Variants in SIL1 observed in about 807,000 individuals in gnomAD.
The protein encoded by SIL1 is SIL1 nucleotide exchange factor, also known as nucleotide exchange factor SIL1.
In SIL1, 40 loss-of-function variants were observed where a neutral mutation model predicts 49.1. The ratio of observed to expected loss-of-function variants is 0.81; its 90% confidence interval spans 0.63 to 1.06. The LOEUF is 1.06. Among genes scored for constraint, SIL1 ranks in the 50% least tolerant of loss-of-function variants. The probability of loss-of-function intolerance (pLI) is 0.00; values close to 1 mark genes in which losing one functional copy is unlikely to be tolerated. For synonymous variants in SIL1, 253 were observed against 250.8 expected, an observed-to-expected ratio of 1.01 and a Z score of -0.08; for missense variants, 500 against 572.6, an observed-to-expected ratio of 0.87 and a Z score of 1.29.
intron 5 of SIL1, among the ~76,000 whole-genome samples, chr5:139,028,556 T>A (rs191227587): frequency 4.9e-4 from 74 of 152,112 alleles, no homozygotes; most frequent in African/African-American, 1.7e-3. Context: ...ACTTTTACTT[T>A]GAAATAATTA....
intron 1 of SIL1, among the ~76,000 whole-genome samples, chr5:139,149,946 C>G (rs1751265294): frequency 6.6e-6 from 1 of 152,088 alleles, no homozygotes. Context: ...TTAGAACTTC[C>G]CCATGGTGAA....
intron 1 of SIL1, among the ~76,000 whole-genome samples, chr5:139,192,106 C>T (rs1019887866): frequency 8.3e-5 from 12 of 144,018 alleles, no homozygotes; most frequent in African/African-American, 3.1e-4. Context: ...AATCCACTGG[C>T]GAGTGAGGCA....
intron 3 of SIL1, among the ~76,000 whole-genome samples, chr5:139,056,191 T>C: frequency 6.8e-6 from 1 of 146,322 alleles, no homozygotes; most frequent in African/African-American, 2.6e-5. Flanking sequence ...GTGAGGAGCG[T>C]CTCTGCCCGG....
intron 1 of SIL1, among the ~76,000 whole-genome samples, chr5:139,165,120 G>C (rs1224507097): frequency 6.6e-6 from 1 of 152,098 alleles, no homozygotes; most frequent in African/African-American, 2.4e-5. Flanking sequence ...GGTCCGATAA[G>C]AAACATTTTA....
At chr5:139,133,065 A>C (rs983791413) in intron 1 of SIL1, among the ~76,000 whole-genome samples, 106 of 674 alleles carry the variant, frequency 0.16, 2 homozygotes, top group African/African-American at 0.32. Context: ...ATACCCTGCA[A>C]AAAAAAAAAA....
intron 3 of SIL1, among the ~76,000 whole-genome samples, chr5:139,105,725 G>A (rs1770690592): frequency 1.3e-5 from 2 of 152,218 alleles, no homozygotes; most frequent in African/African-American, 4.8e-5. Context: ...GGTAGCAATC[G>A]TGCACGCTCC....
At chr5:139,145,429 G>A (rs1751172302) in intron 1 of SIL1, among the ~76,000 whole-genome samples, 1 of 152,132 alleles carries the variant, frequency 6.6e-6, no homozygotes, top group East Asian at 1.9e-4. Context: ...TCTTCAAAAA[G>A]CTAAACATAA....
At chr5:138,983,091 A>T (rs940181349) in intron 7 of SIL1, among the ~76,000 whole-genome samples, 4 of 148,576 alleles carry the variant, frequency 2.7e-5, no homozygotes, top group African/African-American at 9.9e-5. Flanking sequence ...CCAGCAACTC[A>T]GGGGGGCTGA....
chr5:139,147,377 T>C (rs1170194079), intron 1 of SIL1, among the ~76,000 whole-genome samples: 1 of 152,190 alleles, frequency 6.6e-6, no homozygotes, highest in African/African-American at 2.4e-5. Context: ...ACCAACAGGA[T>C]ACAGCCCTGG....
At position 138,991,817 on chromosome 5, in the gene SIL1, C is replaced by T. The variant is rs542631941; in HGVS notation, c.767+29354G>A. On this transcript the variant is annotated intron_variant, in intron 7 of 9. Coordinates refer to ENST00000394817, the MANE Select transcript of SIL1 (RefSeq NM_022464.5). ...AGAAGAAATACAACGGAGAAGGTTC[C>T]CCATCTATGTCCTTGTGACTTAAAT... 3.9e-5 allele frequency among the ~76,000 whole-genome samples: 6 copies of T among 152,330 alleles called. No individual in the cohort carries two copies. In the South Asian group the frequency reaches 6.2e-4, roughly 16 times the overall value.
intron 3 of SIL1, among the ~76,000 whole-genome samples, chr5:139,051,465 A>G (rs1394585492): frequency 6.6e-6 from 1 of 152,136 alleles, no homozygotes; most frequent in Non-Finnish European, 1.5e-5. Flanking sequence ...CCTCCTCGAC[A>G]GTCAGTCCCA....
At chr5:138,991,678 C>T (rs1377310383) in intron 7 of SIL1, among the ~76,000 whole-genome samples, 1 of 152,232 alleles carries the variant, frequency 6.6e-6, no homozygotes, top group East Asian at 1.9e-4. Context: ...ACAGATTCTC[C>T]ACTTTTAAGT....
At chr5:139,049,303 T>A (rs10477804) in intron 4 of SIL1, among the ~76,000 whole-genome samples, 1 of 151,968 alleles carries the variant, frequency 6.6e-6, no homozygotes, top group African/African-American at 2.4e-5. Flanking sequence ...CTTCTGAGTA[T>A]CTGGGATTAC....
At chr5:139,185,922 T>G (rs1239541018) in intron 1 of SIL1, among the ~76,000 whole-genome samples, 5 of 152,248 alleles carry the variant, frequency 3.3e-5, no homozygotes, top group Non-Finnish European at 2.9e-5. Context: ...GCTATTATAC[T>G]GTTTTGCCCC....
At chr5:139,080,635 C>A (rs761940750) in intron 3 of SIL1, among the ~76,000 whole-genome samples, 4 of 152,198 alleles carry the variant, frequency 2.6e-5, no homozygotes, top group Non-Finnish European at 4.4e-5. Context: ...CCATTCCTGT[C>A]TTTTCTGAAA....
intron 3 of SIL1, among the ~76,000 whole-genome samples, chr5:139,062,579 A>C (rs187589954): frequency 1.3e-4 from 20 of 152,194 alleles, no homozygotes; most frequent in Admixed American, 1.3e-4. Flanking sequence ...CAGCACCCTA[A>C]CCCATGTCTC....
At chr5:139,048,128 GATTTT>G (rs1479328238) in intron 4 of SIL1, among the ~76,000 whole-genome samples, 2 of 151,834 alleles carry the variant, frequency 1.3e-5, no homozygotes, top group African/African-American at 2.4e-5. Flanking sequence ...TTTGTAAAGG[GATTTT>G]ATTTTTTATT....
At chr5:138,986,175 A>T (rs1163858452) in intron 7 of SIL1, among the ~76,000 whole-genome samples, 1 of 152,238 alleles carries the variant, frequency 6.6e-6, no homozygotes, top group African/African-American at 2.4e-5. Flanking sequence ...CCTGCTGGAA[A>T]GAAAAAAGAG....
At chr5:139,135,151 A>T (rs1043622872) in intron 1 of SIL1, among the ~76,000 whole-genome samples, 1 of 152,260 alleles carries the variant, frequency 6.6e-6, no homozygotes, top group Non-Finnish European at 1.5e-5. Context: ...AATTAAATGG[A>T]AAGTCTTTGA....
Sources: gnomAD v4.1 joint callset for allele counts (sites outside exome capture counted in the v4.1 genomes callset) on GRCh38, gnomAD v4.1.1 for gene constraint, MANE v1.5 for transcripts, NCBI Gene and HGNC (gene_info 2026-07-23, HGNC 2026-07-21) for gene names.